Variants in CNGB3 observed in about 807,000 individuals in gnomAD.
CNGB3 encodes cyclic nucleotide-gated channel beta-3.
Under a neutral mutation model 92.8 loss-of-function variants are expected in CNGB3, and 86 were observed. The observed-to-expected ratio is 0.93, with a 90% CI of 0.78 to 1.11. The LOEUF is 1.11. Among genes scored for constraint, CNGB3 ranks in the 50% least tolerant of loss-of-function variants. CNGB3 has a pLI of 0.00. For synonymous variants in CNGB3, 333 were observed against 332.7 expected (o/e 1.00, Z -0.01); for missense variants, 1,026 against 956.8 (o/e 1.07, Z -0.95).
chr8:86,701,654 G>T (rs919876555), intron 3 of CNGB3, among the ~76,000 whole-genome samples: 1 of 152,042 alleles, frequency 6.6e-6, no homozygotes, highest in Non-Finnish European at 1.5e-5. Context: ...GTGAAAGCCC[G>T]AACAGTGCAA....
chr8:86,717,822 T>C (rs1356034109), intron 3 of CNGB3, among the ~76,000 whole-genome samples: 1 of 152,036 alleles, frequency 6.6e-6, no homozygotes, highest in African/African-American at 2.4e-5. Context: ...CTCTTTCAGA[T>C]CACAGTGGAA....
At chr8:86,695,469 A>G (rs1031727063) in intron 3 of CNGB3, among the ~76,000 whole-genome samples, 2 of 152,036 alleles carry the variant, frequency 1.3e-5, no homozygotes, top group Non-Finnish European at 1.5e-5. Flanking sequence ...CTTCCAGTGT[A>G]TTTTGCATTT....
intron 15 of CNGB3, among the ~76,000 whole-genome samples, chr8:86,599,273 T>C (rs1822239612): frequency 1.3e-5 from 2 of 152,226 alleles, no homozygotes; most frequent in Non-Finnish European, 2.9e-5. Flanking sequence ...CCTATGCTTG[T>C]CTTTACTTTA....
intron 6 of CNGB3, chr8:86,661,151 C>T (rs72692277): frequency 9.5e-4 from 214 of 226,210 alleles, no homozygotes; most frequent in Non-Finnish European, 1.4e-3. Flanking sequence ...TACTTTAGGA[C>T]GACAACCCAG....
chr8:86,575,027 T>C lies in CNGB3; in HGVS notation c.*777A>G, dbSNP rs1563710781. On this transcript the variant is annotated 3_prime_UTR_variant, in exon 18 of 18. Transcript: ENST00000320005. Reference sequence around the variant, plus strand: ...CTGATAAGTGTCACTTTAGCCTGTATCCTCCAGTCCAAGTCCCTTGAGCCA... The same window carrying C: ...CTGATAAGTGTCACTTTAGCCTGTACCCTCCAGTCCAAGTCCCTTGAGCCA... The C allele has an allele frequency of 6.6e-6, 1 of 152,214 alleles. No individual in the cohort carries two copies. The highest frequency in any genetic ancestry group is 1.9e-4 in the East Asian group (1 of 5,198). The allele number at this position is 152,214 out of a possible 1,614,324, so 9.4% of individuals were successfully genotyped here.
intron 3 of CNGB3, among the ~76,000 whole-genome samples, chr8:86,680,020 G>A (rs1192164949): frequency 6.6e-6 from 1 of 152,170 alleles, no homozygotes; most frequent in East Asian, 1.9e-4. Context: ...CCAGAACTGT[G>A]AGAAAATACA....
intron 14 of CNGB3, among the ~76,000 whole-genome samples, chr8:86,606,766 C>A (rs932091880): frequency 1.3e-5 from 2 of 152,050 alleles, no homozygotes; most frequent in African/African-American, 2.4e-5. Flanking sequence ...AATTGGCAGT[C>A]GAGGTTTAAA....
At chr8:86,610,048 G>T (rs536862146) in intron 14 of CNGB3, among the ~76,000 whole-genome samples, 15 of 152,120 alleles carry the variant, frequency 9.9e-5, no homozygotes, top group South Asian at 2.1e-4. Context: ...TTTATAGCTT[G>T]TCTCTCGCAT....
chr8:86,588,781 A>G (rs1240509339), intron 15 of CNGB3, among the ~76,000 whole-genome samples: 2 of 151,522 alleles, frequency 1.3e-5, no homozygotes, highest in Admixed American at 6.6e-5. Flanking sequence ...TTCATCAAGG[A>G]TATTGGTCTA....
intron 3 of CNGB3, among the ~76,000 whole-genome samples, chr8:86,720,301 GA>G (rs1366013361): frequency 2.6e-5 from 4 of 151,484 alleles, no homozygotes; most frequent in African/African-American, 7.3e-5. Flanking sequence ...ACATCAGCAA[GA>G]AAAAAAACAA....
intron 11 of CNGB3, 43 bp downstream of exon 11, chr8:86,632,709 A>C (rs1172948742): frequency 4.6e-5 from 74 of 1,603,608 alleles, no homozygotes; most frequent in Non-Finnish European, 6.3e-5. Context: ...TTAGTCTTTC[A>C]AAATGACAGC....
chr8:86,731,274 G>T (rs1825150245), intron 2 of CNGB3, among the ~76,000 whole-genome samples: 1 of 152,172 alleles, frequency 6.6e-6, no homozygotes, highest in African/African-American at 2.4e-5. Context: ...GGAGCCTCCA[G>T]CCAATCTAAG....
intron 15 of CNGB3, among the ~76,000 whole-genome samples, chr8:86,599,425 A>G (rs544812092): frequency 2.6e-5 from 4 of 152,342 alleles, no homozygotes; most frequent in African/African-American, 9.6e-5. Flanking sequence ...AAAAAAGAAC[A>G]GGATAACAGC....
chr8:86,612,564 A>G (rs1822542757), intron 13 of CNGB3, among the ~76,000 whole-genome samples: 1 of 152,192 alleles, frequency 6.6e-6, no homozygotes, highest in South Asian at 2.1e-4. Flanking sequence ...TGTGGATCAG[A>G]CAATCATTCC....
At chr8:86,663,856 C>A (rs908570402) in intron 6 of CNGB3, among the ~76,000 whole-genome samples, 1 of 152,134 alleles carries the variant, frequency 6.6e-6, no homozygotes, top group Non-Finnish European at 1.5e-5. Context: ...TTAAATAGAG[C>A]CTGTTGAGTG....
intron 15 of CNGB3, among the ~76,000 whole-genome samples, chr8:86,596,293 T>C (rs777363754): frequency 2.0e-5 from 3 of 152,226 alleles, no homozygotes; most frequent in Non-Finnish European, 4.4e-5. Context: ...TAATGCAAAT[T>C]GGTTCAATTT....
intron 15 of CNGB3, among the ~76,000 whole-genome samples, chr8:86,592,924 T>C (rs1489725278): frequency 6.6e-6 from 1 of 152,188 alleles, no homozygotes; most frequent in African/African-American, 2.4e-5. Flanking sequence ...ACTTTAAAAC[T>C]TGACTAAAAA....
At position 86,618,854 on chromosome 8, in the gene CNGB3, T is replaced by C. The variant is rs73271571; in HGVS notation, c.1578+7129A>G. On this transcript the variant is annotated intron_variant, in intron 13 of 17. Transcript: ENST00000320005. ...GATGTCACTGCTGGGGATCTGCATGTGAGTGCTAGAAAGCATGCTGCCATT... is the reference window on the plus strand; with the variant it reads ...GATGTCACTGCTGGGGATCTGCATGCGAGTGCTAGAAAGCATGCTGCCATT... Among the ~76,000 whole-genome samples the C allele has an allele frequency of 4.8e-3, 727 of 152,348 alleles. 7 individuals carry two copies. Among genetic ancestry groups the C allele is most frequent in the African/African-American group, 0.016 (678 of 41,586 alleles).
chr8:86,597,543 GA>G (rs1380695218), intron 15 of CNGB3, among the ~76,000 whole-genome samples: 1 of 152,296 alleles, frequency 6.6e-6, no homozygotes, highest in East Asian at 1.9e-4. Flanking sequence ...GGGAATCCAG[GA>G]AGGCCTGAAA....
Sources: gnomAD v4.1 joint callset for allele counts (sites outside exome capture counted in the v4.1 genomes callset) on GRCh38, gnomAD v4.1.1 for gene constraint, MANE v1.5 for transcripts, NCBI Gene and HGNC (gene_info 2026-07-23, HGNC 2026-07-21) for gene names.